B3GAT2: variants seen among roughly 807,000 people sequenced by gnomAD.
B3GAT2 encodes galactosylgalactosylxylosylprotein 3-beta-glucuronosyltransferase 2.
A neutral mutation model predicts 27.8 loss-of-function variants in B3GAT2; 26 were observed. The ratio of observed to expected loss-of-function variants is 0.93; its 90% confidence interval spans 0.68 to 1.30. B3GAT2 has a LOEUF of 1.30. Ranked by LOEUF, B3GAT2 falls within the 50% of genes most tolerant of loss-of-function variation. B3GAT2 has a pLI of 0.00. For synonymous variants in B3GAT2, 218 were observed against 195.1 expected (o/e 1.12, Z -0.98); for missense variants, 458 against 459.0 (o/e 1.00, Z 0.02).
chr6:70,883,064 A>C (rs1398858384), intron 2 of B3GAT2, among the ~76,000 whole-genome samples: 1 of 152,212 alleles, frequency 6.6e-6, no homozygotes, highest in African/African-American at 2.4e-5. Flanking sequence ...TAATACAACA[A>C]AACAGAAGCA....
chr6:70,943,092 A>G (rs913983219), intron 1 of B3GAT2, among the ~76,000 whole-genome samples: 5 of 152,162 alleles, frequency 3.3e-5, no homozygotes, highest in Non-Finnish European at 7.4e-5. Context: ...TGTTTTAGGA[A>G]AAAGACCCAA....
chr6:70,926,792 C>A (rs1161193972), intron 1 of B3GAT2, among the ~76,000 whole-genome samples: 2 of 152,178 alleles, frequency 1.3e-5, no homozygotes, highest in Non-Finnish European at 2.9e-5. Context: ...CCTAGCAAGG[C>A]AGGCCAACAT....
At chr6:70,912,627 T>G (rs1772706179) in intron 1 of B3GAT2, among the ~76,000 whole-genome samples, 1 of 139,182 alleles carries the variant, frequency 7.2e-6, no homozygotes, top group Admixed American at 7.4e-5. Context: ...GTTATCAGGA[T>G]GAAGCTGGCC....
At chr6:70,905,715 C>T (rs1772590195) in intron 1 of B3GAT2, among the ~76,000 whole-genome samples, 1 of 152,098 alleles carries the variant, frequency 6.6e-6, no homozygotes, top group Non-Finnish European at 1.5e-5. Context: ...CTTTTTGTAA[C>T]ATAGGATAGC....
chr6:70,887,070 T>C (rs1349459155), intron 2 of B3GAT2, among the ~76,000 whole-genome samples: 1 of 152,172 alleles, frequency 6.6e-6, no homozygotes, highest in Non-Finnish European at 1.5e-5. Flanking sequence ...ATAGAAAACA[T>C]TCATGCATGG....
intron 1 of B3GAT2, among the ~76,000 whole-genome samples, chr6:70,895,509 T>A (rs1229183318): frequency 9.3e-6 from 1 of 107,826 alleles, no homozygotes; most frequent in East Asian, 3.1e-4. Context: ...TTTTTTTTTT[T>A]TTTTTTTTTT....
In B3GAT2 at chr6:70,861,575, T is replaced by C; in HGVS notation, c.*88A>G. 8.2e-7 allele frequency: 1 copy of C among 1,214,364 alleles called. No individual in the cohort carries two copies. The highest frequency in any genetic ancestry group is 1.2e-6 in the Non-Finnish European group (1 of 841,754). The allele number at this position is 1,214,364 out of a possible 1,614,324, so 75.2% of individuals were successfully genotyped here. The stretch of plus-strand genomic sequence containing the variant: ...TGCTGTACTGAAGTAAAACAAACAA[T>C]ACCTGAATGCTCTGTAGCCTAAACT... On this transcript the variant is annotated 3_prime_UTR_variant, in exon 4 of 4. Coordinates refer to ENST00000230053, the MANE Select transcript of B3GAT2 (RefSeq NM_080742.3).
intron 2 of B3GAT2, among the ~76,000 whole-genome samples, chr6:70,862,559 G>T (rs575161577): frequency 2.0e-5 from 3 of 152,186 alleles, no homozygotes; most frequent in African/African-American, 7.2e-5. Context: ...TCTAAAAAGG[G>T]TATGTGGGGC....
At chr6:70,915,286 T>C (rs1772753388) in intron 1 of B3GAT2, among the ~76,000 whole-genome samples, 1 of 152,192 alleles carries the variant, frequency 6.6e-6, no homozygotes, top group African/African-American at 2.4e-5. Flanking sequence ...TTTAGGTTCT[T>C]TGTACATTCT....
At chr6:70,938,195 A>G (rs1383552703) in intron 1 of B3GAT2, among the ~76,000 whole-genome samples, 2 of 147,904 alleles carry the variant, frequency 1.4e-5, no homozygotes, top group African/African-American at 5.0e-5. Context: ...CCAACTTACA[A>G]GGGACGTGAA....
chr6:70,929,297 T>A (rs955851782), intron 1 of B3GAT2, among the ~76,000 whole-genome samples: 1 of 112,624 alleles, frequency 8.9e-6, no homozygotes, highest in East Asian at 3.8e-4. Flanking sequence ...TGTATACATA[T>A]GTAAAAACCT....
chr6:70,882,947 A>T (rs1318293550), intron 2 of B3GAT2, among the ~76,000 whole-genome samples: 2 of 152,212 alleles, frequency 1.3e-5, no homozygotes. Flanking sequence ...TTGAATAGAC[A>T]TTTCTCTAAG....
intron 1 of B3GAT2, among the ~76,000 whole-genome samples, chr6:70,943,178 C>A (rs982286276): frequency 1.3e-5 from 2 of 152,108 alleles, no homozygotes; most frequent in East Asian, 3.8e-4. Flanking sequence ...TTTTAACCTG[C>A]AAAAAGACTC....
intron 1 of B3GAT2, among the ~76,000 whole-genome samples, chr6:70,949,432 A>G (rs1765543796): frequency 6.6e-6 from 1 of 152,178 alleles, no homozygotes; most frequent in Non-Finnish European, 1.5e-5. Context: ...ACATTTATGC[A>G]GCCAAAAGAC....
chr6:70,926,240 A>G lies in B3GAT2; in HGVS notation c.591+29599T>C, dbSNP rs111444371. ...GCGGAGAAAACAGAGTAGAAAAGCC[A>G]AAAATTTTAAAAATCAGAGCGACTC... On this transcript the variant is annotated intron_variant, in intron 1 of 3. Coordinates refer to ENST00000230053, the MANE Select transcript of B3GAT2 (RefSeq NM_080742.3). Among the ~76,000 whole-genome samples, 1,420 of 152,340 alleles carry G rather than the reference A, an allele frequency of 9.3e-3. 11 individuals carry two copies. The highest frequency in any genetic ancestry group is 0.048 in the Middle Eastern group (14 of 294).
At chr6:70,882,809 G>A (rs900367356) in intron 2 of B3GAT2, among the ~76,000 whole-genome samples, 1 of 152,148 alleles carries the variant, frequency 6.6e-6, no homozygotes, top group Non-Finnish European at 1.5e-5. Context: ...AGCAAGGAGA[G>A]GCCTCAAGGG....
chr6:70,931,194 G>A (rs150486944), intron 1 of B3GAT2, among the ~76,000 whole-genome samples: 2 of 152,088 alleles, frequency 1.3e-5, no homozygotes, highest in Non-Finnish European at 2.9e-5. Flanking sequence ...TGGGTTGGGG[G>A]GAGGGGGAAG....
Position 70,927,883 on chromosome 6 carries a change from T to G in B3GAT2, c.591+27956A>C, listed in dbSNP as rs113349552. On this transcript the variant is annotated intron_variant, in intron 1 of 3. Transcript: ENST00000230053. ...TCCACCCAAAATTAACAGAATATAC[T>G]TTCTTCTCAGCACCACATTGCACTT... 9.3e-3 allele frequency among the ~76,000 whole-genome samples: 1,415 copies of G among 152,242 alleles called. 10 individuals carry two copies. The highest frequency in any genetic ancestry group is 0.048 in the Middle Eastern group (14 of 294).
intron 2 of B3GAT2, among the ~76,000 whole-genome samples, chr6:70,887,631 G>C (rs1772210604): frequency 6.6e-6 from 1 of 152,124 alleles, no homozygotes. Context: ...GGGTGGCGGA[G>C]CCTCAACAAT....
Sources: allele counts gnomAD v4.1 joint callset (sites outside exome capture counted in the v4.1 genomes callset), GRCh38; gene constraint gnomAD v4.1.1; transcripts MANE v1.5; gene names NCBI Gene and HGNC (gene_info 2026-07-23, HGNC 2026-07-21).